Variants in B3GLCT observed in about 807,000 individuals in gnomAD.
B3GLCT encodes beta-1,3-glucosyltransferase.
Under a neutral mutation model 63.4 loss-of-function variants are expected in B3GLCT, and 65 were observed. That is an observed-to-expected ratio of 1.03 (90% CI 0.84 to 1.26). B3GLCT has a LOEUF of 1.26. Ranked by LOEUF, B3GLCT falls within the 50% of genes most tolerant of loss-of-function variation. The pLI is 0.00. For synonymous variants in B3GLCT, 233 were observed against 219.2 expected (o/e 1.06, Z -0.55); for missense variants, 577 against 604.8 (o/e 0.95, Z 0.48).
At chr13:31,296,804 C>T (rs1873967978) in intron 12 of B3GLCT, among the ~76,000 whole-genome samples, 1 of 151,756 alleles carries the variant, frequency 6.6e-6, no homozygotes, top group South Asian at 2.1e-4. Flanking sequence ...ACCATCATAA[C>T]CATTTTTAAG....
intron 6 of B3GLCT, among the ~76,000 whole-genome samples, chr13:31,257,709 AGAGT>A (rs1871811895): frequency 6.6e-6 from 1 of 152,076 alleles, no homozygotes; most frequent in Non-Finnish European, 1.5e-5. Flanking sequence ...TAAATAATAG[AGAGT>A]GAGGTGGTCT....
At chr13:31,244,182 C>T (rs1429991196) in intron 4 of B3GLCT, among the ~76,000 whole-genome samples, 2 of 152,158 alleles carry the variant, frequency 1.3e-5, no homozygotes, top group African/African-American at 2.4e-5. Context: ...GTTATTCAGC[C>T]AGTTACTTAT....
intron 12 of B3GLCT, among the ~76,000 whole-genome samples, chr13:31,313,601 G>T (rs1431562045): frequency 2.0e-5 from 3 of 152,186 alleles, no homozygotes; most frequent in African/African-American, 4.8e-5. Flanking sequence ...CTTGGATCCT[G>T]TTAAAGGCAT....
intron 8 of B3GLCT, among the ~76,000 whole-genome samples, chr13:31,271,890 G>T (rs1032973048): frequency 6.6e-6 from 1 of 152,134 alleles, no homozygotes; most frequent in Non-Finnish European, 1.5e-5. Flanking sequence ...ACTTAGAATT[G>T]TTACATCCTC....
chr13:31,314,518 G>A (rs1173576539), intron 12 of B3GLCT, among the ~76,000 whole-genome samples: 7 of 152,164 alleles, frequency 4.6e-5, no homozygotes, highest in African/African-American at 1.4e-4. Flanking sequence ...GGGGCCTGTG[G>A]CCTCTTCATT....
intron 4 of B3GLCT, among the ~76,000 whole-genome samples, chr13:31,233,176 C>G (rs990348067): frequency 1.3e-4 from 20 of 152,080 alleles, no homozygotes; most frequent in South Asian, 4.1e-4. Context: ...TTCCTGTTAA[C>G]TCTTAAATGG....
intron 12 of B3GLCT, among the ~76,000 whole-genome samples, chr13:31,287,720 T>C (rs1249850630): frequency 6.6e-6 from 1 of 152,190 alleles, no homozygotes; most frequent in African/African-American, 2.4e-5. Flanking sequence ...AAGGTTAGAA[T>C]TAGAAGTTAT....
chr13:31,246,948 T>G, intron 4 of B3GLCT, 75 bp from the exon 5 acceptor site: 2 of 1,052,362 alleles, frequency 1.9e-6, no homozygotes, highest in Non-Finnish European at 2.7e-6. Flanking sequence ...TTTCTTTTCT[T>G]TTCTTTTTTT....
intron 13 of B3GLCT, 36 bp downstream of exon 13, chr13:31,317,721 A>G: frequency 6.2e-7 from 1 of 1,613,072 alleles, no homozygotes; most frequent in Non-Finnish European, 8.5e-7. Flanking sequence ...ACTACTTTAA[A>G]CATAAACTTC....
chr13:31,291,107 C>G (rs1873633567), intron 12 of B3GLCT, among the ~76,000 whole-genome samples: 1 of 152,180 alleles, frequency 6.6e-6, no homozygotes, highest in Non-Finnish European at 1.5e-5. Context: ...AGAATCCTTT[C>G]CCCATTGCTT....
intron 6 of B3GLCT, among the ~76,000 whole-genome samples, chr13:31,254,292 T>C (rs2093945): frequency 0.98 from 148,588 of 152,336 alleles, 72,477 homozygotes; most frequent in East Asian, 1. Context: ...TGCTGGCAAA[T>C]CGAATCCGGC....
chr13:31,200,870 G>A (rs1014096733), intron 1 of B3GLCT, among the ~76,000 whole-genome samples: 3 of 152,132 alleles, frequency 2.0e-5, no homozygotes, highest in Non-Finnish European at 4.4e-5. Context: ...TCGGGTCTCC[G>A]CTGGGGACAT....
At chr13:31,284,526 G>A in intron 10 of B3GLCT, 122 bp from the exon 11 acceptor site, 1 of 715,990 alleles carries the variant, frequency 1.4e-6, no homozygotes, top group Non-Finnish European at 2.6e-6. Context: ...GCAACTCTTG[G>A]AACACCTGAA....
At chr13:31,272,289 T>TACTG (rs1362878324) in intron 8 of B3GLCT, among the ~76,000 whole-genome samples, 6 of 151,594 alleles carry the variant, frequency 4.0e-5, no homozygotes, top group Non-Finnish European at 8.8e-5. Flanking sequence ...CATCTTGGCT[T>TACTG]ACTGCAACCT....
At chr13:31,222,575 C>T (rs1292128780) in intron 2 of B3GLCT, among the ~76,000 whole-genome samples, 1 of 152,190 alleles carries the variant, frequency 6.6e-6, no homozygotes, top group Non-Finnish European at 1.5e-5. Flanking sequence ...CGAGACTATC[C>T]TCTGATATGT....
chr13:31,291,363 G>A (rs1873648759), intron 12 of B3GLCT, among the ~76,000 whole-genome samples: 1 of 152,202 alleles, frequency 6.6e-6, no homozygotes, highest in African/African-American at 2.4e-5. Flanking sequence ...ATTCTGTGAA[G>A]AAAGTCAATG....
intron 14 of B3GLCT, among the ~76,000 whole-genome samples, chr13:31,326,776 G>A (rs1271366877): frequency 3.9e-5 from 6 of 152,142 alleles, no homozygotes; most frequent in African/African-American, 7.2e-5. Flanking sequence ...CATTTTGGAT[G>A]TATTTCACTT....
intron 1 of B3GLCT, among the ~76,000 whole-genome samples, chr13:31,201,961 G>A (rs1156601449): frequency 3.3e-5 from 5 of 152,152 alleles, no homozygotes; most frequent in Admixed American, 1.3e-4. Flanking sequence ...TGGCACAGAC[G>A]GGAGGCTGTA....
intron 1 of B3GLCT, among the ~76,000 whole-genome samples, chr13:31,207,648 G>A (rs1869029728): frequency 6.6e-6 from 1 of 151,892 alleles, no homozygotes; most frequent in Non-Finnish European, 1.5e-5. Flanking sequence ...TTGTTGTCAA[G>A]TGAAGAAAAG....
Sources: allele counts gnomAD v4.1 joint callset (sites outside exome capture counted in the v4.1 genomes callset), GRCh38; gene constraint gnomAD v4.1.1; transcripts MANE v1.5; gene names NCBI Gene and HGNC (gene_info 2026-07-23, HGNC 2026-07-21).